CKAP4: variants seen among roughly 807,000 people sequenced by gnomAD.
CKAP4 encodes the protein cytoskeleton-associated protein 4.
CKAP4 carries 20 observed loss-of-function variants against 24.4 expected under a neutral mutation model. That is an observed-to-expected ratio of 0.82 (90% CI 0.58 to 1.19). The LOEUF (loss-of-function observed/expected upper bound fraction) is 1.19. CKAP4 is among the 50% of genes most tolerant of loss of function. CKAP4 has a pLI of 0.00. For synonymous variants in CKAP4, 378 were observed against 351.7 expected (o/e 1.07, Z -0.84); for missense variants, 744 against 765.3 (o/e 0.97, Z 0.33).
chr12:106,247,464 C>G lies in CKAP4; in HGVS notation c.388G>C (p.Val130Leu). The G allele has an allele frequency of 6.5e-7, 1 of 1,545,736 alleles. No individual in the cohort carries two copies. Among genetic ancestry groups the G allele is most frequent in the Non-Finnish European group, 8.7e-7 (1 of 1,147,820 alleles). The change falls in exon 1 of 2, where the codon GTC becomes CTC. Residue 130 changes from valine (V) to leucine (L), a missense_variant. Val to Leu is a conservative substitution (Grantham distance 32). Around this residue, in one of 3 missense-constraint regions of CKAP4, gnomAD observed 300 missense variants for 264.5 expected, o/e 1.13. Transcript: ENST00000378026. The surrounding 1 kb of genome is among the most constrained non-coding windows in gnomAD (Gnocchi z 4.5). The stretch of plus-strand genomic sequence containing the variant: ...CGGACCTGCTGGACCTCCTCCAGGA[C>G]GTGGTGGACGCACCAGCCCGAGAAA... ...AAFSGWCVHH[V>L]LEEVQQVRRS... is the part of the protein sequence containing the mutation.
In CKAP4 at chr12:106,238,567, G is replaced by A. The variant is rs541520325; in HGVS notation, c.*457C>T. ...CCGGTTCAAAGTGGAAGACAAGTGA[G>A]AGATATCTCATAAAAATTTCGGCCA... is the stretch of plus-strand genomic sequence containing the variant. On this transcript the variant is annotated 3_prime_UTR_variant, in exon 2 of 2. Coordinates refer to ENST00000378026, the MANE Select transcript of CKAP4 (RefSeq NM_006825.4). The A allele has an allele frequency of 1.3e-5, 2 of 159,434 alleles. No individual in the cohort carries two copies. Among genetic ancestry groups the A allele is most frequent in the Non-Finnish European group, 2.7e-5 (2 of 72,906 alleles). 9.9% of individuals were successfully genotyped at this position (159,434 alleles called of 1,614,324 possible). A position where few individuals can be genotyped will look rare whatever the true frequency, so the allele number is the denominator to read the frequency against.
At chr12:106,240,428 C>G in intron 1 of CKAP4, 79 bp from the exon 2 acceptor site, 4 of 1,463,858 alleles carry the variant, frequency 2.7e-6, no homozygotes, top group Non-Finnish European at 3.7e-6. Flanking sequence ...GTCTGCCCAG[C>G]CTCCAGGTCC....
At position 106,247,731 on chromosome 12, in the gene CKAP4, G is replaced by A; in HGVS notation, c.121C>T (p.Gln41Ter). The A allele has an allele frequency of 9.6e-7, 1 of 1,045,640 alleles. No individual in the cohort carries two copies. Among genetic ancestry groups the A allele is most frequent in the Non-Finnish European group, 1.1e-6 (1 of 875,128 alleles). 64.8% of individuals were successfully genotyped at this position (1,045,640 alleles called of 1,614,324 possible). The change falls in exon 1 of 2, where the codon CAG becomes TAG. Residue 41 changes from glutamine (Q) to a stop codon, truncating the protein, a stop_gained. Coordinates refer to ENST00000378026, the MANE Select transcript of CKAP4 (RefSeq NM_006825.4). LOFTEE classifies it high-confidence loss of function. The surrounding 1 kb of genome is among the most constrained non-coding windows in gnomAD (Gnocchi z 4.5). ...GGCGCGGGCGGCGGCGGCGGCTGCT[G>A]CGGCGCCGGCGGCGGCTTCTTCGCC... ...DVAKKPPPAPQQPPPPPAPHP... is the reference protein window; with the variant it reads ...DVAKKPPPAP
At position 106,239,939 on chromosome 12, in the gene CKAP4, G is replaced by C; in HGVS notation, c.894C>G (p.Thr298=). Reference sequence around the variant, plus strand: ...TGTCCCACTCTCTGGACTTGGCTGAGGTCTGTATCTCCTTCACAGCTTCCT... The same window carrying C: ...TGTCCCACTCTCTGGACTTGGCTGACGTCTGTATCTCCTTCACAGCTTCCT... ...ALKEAVKEIQ[T]SAKSREWDME... The change falls in exon 2 of 2, where the codon ACC becomes ACG. Residue 298 remains threonine (T), a synonymous_variant. Transcript: ENST00000378026. This position sits in a 1 kb window ranked among gnomAD's most constrained non-coding sequence, Gnocchi z 4.9. 6.2e-7 allele frequency: 1 copy of C among 1,614,140 alleles called. No individual in the cohort carries two copies.
In CKAP4 at chr12:106,247,499, G is replaced by A. The variant is rs1301769982; in HGVS notation, c.353C>T (p.Ala118Val). The A allele has an allele frequency of 1.3e-6, 2 of 1,543,426 alleles. No homozygotes were observed. Among genetic ancestry groups the A allele is most frequent in the Admixed American group, 3.9e-5 (2 of 51,522 alleles). Residue 118 changes from alanine to valine, a missense_variant, in exon 1 of 2, where the codon GCG becomes GTG. Transcript: ENST00000378026. The surrounding 1 kb of genome is among the most constrained non-coding windows in gnomAD (Gnocchi z 4.5). ...GCACCAGCCCGAGAAAGCGGCCGCC[G>A]CCACCAGGGCGAGGTAGAAGAGAAA... is the stretch of plus-strand genomic sequence containing the variant. Reference protein sequence around the residue: ...LNFLFYLALVAAAAFSGWCVH... With the variant: ...LNFLFYLALVVAAAFSGWCVH...
In CKAP4 at chr12:106,239,660, T is replaced by A; in HGVS notation, c.1173A>T (p.Gly391=). 6.2e-7 allele frequency: 1 copy of A among 1,614,160 alleles called. No individual in the cohort carries two copies. The highest frequency in any genetic ancestry group is 8.5e-7 in the Non-Finnish European group (1 of 1,180,022). The change falls in exon 2 of 2, where the codon GGA becomes GGT. Residue 391 remains glycine, a synonymous_variant. Transcript: ENST00000378026. This position sits in a 1 kb window ranked among gnomAD's most constrained non-coding sequence, Gnocchi z 4.9. ...CAAAGGCTTCCGAGTGTCTGAAGCC[T>A]CCGTCCTCCTTCGGCCCGTGGGAAT... ...KSDSHGPKED[G]GFRHSEAFEA...
chr12:106,247,151 C>G lies in CKAP4; in HGVS notation c.483+218G>C, dbSNP rs1224504882. Among the ~76,000 whole-genome samples, 1 of 152,174 alleles carries G rather than the reference C, an allele frequency of 6.6e-6. No individual in the cohort carries two copies. The highest frequency in any genetic ancestry group is 1.5e-5 in the Non-Finnish European group (1 of 68,020). ...GCCCATCCCTCGGGGCCGATTCCTC[C>G]GCAGCCATTAACAAAGGGGGTCTGG... is the stretch of plus-strand genomic sequence containing the variant. On this transcript the variant is annotated intron_variant, in intron 1 of 1. Coordinates refer to ENST00000378026, the MANE Select transcript of CKAP4 (RefSeq NM_006825.4). This position sits in a 1 kb window ranked among gnomAD's most constrained non-coding sequence, Gnocchi z 4.5.
rs1444254421 is a variant in CKAP4, at chr12:106,247,567, C to CGAG, written c.282_284dup (p.Ser97dup). 1.4e-6 allele frequency: 2 copies of CGAG among 1,400,222 alleles called. No homozygotes were observed. The highest frequency in any genetic ancestry group is 3.1e-5 in the African/African-American group (2 of 65,506). The allele number at this position is 1,400,222 out of a possible 1,614,324, so 86.7% of individuals were successfully genotyped here. Reference sequence around the variant, plus strand: ...GCCTGCGCGAGCAGGACGCCGAGGACGAGGCGGCGGCGGCGGCAGCGGCGG... The same window carrying CGAG: ...GCCTGCGCGAGCAGGACGCCGAGGACGAGGAGGCGGCGGCGGCGGCAGCGGCGG... On this transcript the variant is annotated inframe_insertion, in exon 1 of 2. Coordinates refer to ENST00000378026, the MANE Select transcript of CKAP4 (RefSeq NM_006825.4). The surrounding 1 kb of genome is among the most constrained non-coding windows in gnomAD (Gnocchi z 4.5).
chr12:106,244,458 A>G (rs1189466714), intron 1 of CKAP4, among the ~76,000 whole-genome samples: 3 of 151,440 alleles, frequency 2.0e-5, no homozygotes. Context: ...GACACATTAA[A>G]TTATAGTTTG....
chr12:106,247,598 G>C lies in CKAP4; in HGVS notation c.254C>G (p.Ala85Gly). 1 of 1,404,856 alleles carries C rather than the reference G, an allele frequency of 7.1e-7. No homozygotes were observed. The highest frequency in any genetic ancestry group is 9.3e-7 in the Non-Finnish European group (1 of 1,078,754). 87.0% of individuals were successfully genotyped at this position (1,404,856 alleles called of 1,614,324 possible). A position where few individuals can be genotyped will look rare whatever the true frequency, so the allele number is the denominator to read the frequency against. ...GGCGGCGGCGGCAGCGGCGGCGGAG[G>C]CGGAGGAGGAGGAGGAGGACTTGCC... is the stretch of plus-strand genomic sequence containing the variant. Reference protein sequence around the residue: ...GGGKSSSSSSASAAAAAAAAS... With the variant: ...GGGKSSSSSSGSAAAAAAAAS... Residue 85 changes from alanine to glycine, a missense_variant, in exon 1 of 2, where the codon GCC becomes GGC. Physicochemically the swap from Ala to Gly is moderately conservative, Grantham distance 60. This residue lies in a region of CKAP4 where 300 missense variants were observed against 264.5 expected (regional missense o/e 1.13). Coordinates refer to ENST00000378026, the MANE Select transcript of CKAP4 (RefSeq NM_006825.4). This position sits in a 1 kb window ranked among gnomAD's most constrained non-coding sequence, Gnocchi z 4.5.
Position 106,247,746 on chromosome 12 carries a change from G to A in CKAP4, c.106C>T (p.Pro36Ser). 1 of 1,050,790 alleles carries A rather than the reference G, an allele frequency of 9.5e-7. No homozygotes were observed. Among genetic ancestry groups the A allele is most frequent in the Non-Finnish European group, 1.1e-6 (1 of 878,372 alleles). 65.1% of individuals were successfully genotyped at this position (1,050,790 alleles called of 1,614,324 possible). The stretch of plus-strand genomic sequence containing the variant: ...GGCGGCTGCTGCGGCGCCGGCGGCG[G>A]CTTCTTCGCCACGTCATCCGCGCCG... ...SGGADDVAKK[P>S]PPAPQQPPPP... The change falls in exon 1 of 2, where the codon CCG (proline) becomes TCG (serine). Residue 36 changes from proline (P) to serine (S), a missense_variant. By Grantham distance (74) the Pro-to-Ser change is moderately conservative (BLOSUM62 -1). Coordinates refer to ENST00000378026, the MANE Select transcript of CKAP4 (RefSeq NM_006825.4). This position sits in a 1 kb window ranked among gnomAD's most constrained non-coding sequence, Gnocchi z 4.5.
In CKAP4 at chr12:106,244,900, G is replaced by C. The variant is rs149081184; in HGVS notation, c.483+2469C>G. Among the ~76,000 whole-genome samples the C allele has an allele frequency of 2.0e-4, 30 of 152,254 alleles. No individual in the cohort carries two copies. The South Asian group carries it at 6.0e-3, about 30-fold the overall frequency. On this transcript the variant is annotated intron_variant, in intron 1 of 1. Transcript: ENST00000378026. ...GAGCCCTCTTCTCATTGTGTGGGTG[G>C]GAAAACTGAGCCCCAAAGAAGAAAG... is the stretch of plus-strand genomic sequence containing the variant.
intron 1 of CKAP4, among the ~76,000 whole-genome samples, chr12:106,243,636 C>G (rs533448103): frequency 6.6e-6 from 1 of 152,324 alleles, no homozygotes; most frequent in African/African-American, 2.4e-5. Flanking sequence ...CTTTCTGAAG[C>G]CCAGGACCCA....
At chr12:106,242,836 T>G (rs527803040) in intron 1 of CKAP4, among the ~76,000 whole-genome samples, 54 of 152,288 alleles carry the variant, frequency 3.5e-4, no homozygotes, top group African/African-American at 1.3e-3. Flanking sequence ...TCTCCTCTGA[T>G]CCCTGTCAGC....
rs1235879652 is a variant in CKAP4 at position 106,238,660 on chromosome 12, A to AC, written c.*363dup. 11 of 181,044 alleles carry AC rather than the reference A, an allele frequency of 6.1e-5. No individual in the cohort carries two copies. The highest frequency in any genetic ancestry group is 2.4e-4 in the African/African-American group (10 of 41,692). The allele number at this position is 181,044 out of a possible 1,614,324, so 11.2% of individuals were successfully genotyped here. A position where few individuals can be genotyped will look rare whatever the true frequency, so the allele number is the denominator to read the frequency against. On this transcript the variant is annotated 3_prime_UTR_variant, in exon 2 of 2. Coordinates refer to ENST00000378026, the MANE Select transcript of CKAP4 (RefSeq NM_006825.4). ...AGAAAGAAAAGGGTCCCCCCAACCC[A>AC]CCTTTTTTTTTTTTTTACTTGAAAT...
At chr12:106,242,319 G>T (rs12426351) in intron 1 of CKAP4, among the ~76,000 whole-genome samples, 8,446 of 152,282 alleles carry the variant, frequency 0.055, 549 homozygotes, top group African/African-American at 0.16. Context: ...GAAGCACCTG[G>T]TAAGTCTGCA....
chr12:106,244,425 C>G (rs928058022), intron 1 of CKAP4, among the ~76,000 whole-genome samples: 1 of 152,172 alleles, frequency 6.6e-6, no homozygotes, highest in Non-Finnish European at 1.5e-5. Flanking sequence ...GTGCCTGGCA[C>G]GTAATAAGTG....
intron 1 of CKAP4, chr12:106,245,767 G>A (rs1467387406): frequency 1.3e-5 from 2 of 152,258 alleles, no homozygotes; most frequent in East Asian, 3.9e-4. Context: ...GCTAATTTTT[G>A]TATTTTTAGT....
chr12:106,242,726 G>A (rs2033978609), intron 1 of CKAP4, among the ~76,000 whole-genome samples: 1 of 152,178 alleles, frequency 6.6e-6, no homozygotes, highest in Non-Finnish European at 1.5e-5. Flanking sequence ...GTGTGAGCAG[G>A]TGAGCACAGT....
Sources: gnomAD v4.1 joint callset for allele counts (sites outside exome capture counted in the v4.1 genomes callset) on GRCh38, gnomAD v4.1.1 for gene constraint, gnomAD v4.1.1 regional missense constraint, Gnocchi (gnomAD v3.1) non-coding constraint, MANE v1.5 for transcripts, NCBI Gene and HGNC (gene_info 2026-07-23, HGNC 2026-07-21) for gene names.